HIVEP3: variants seen among roughly 807,000 people sequenced by gnomAD.
HIVEP3 encodes the protein HIVEP zinc finger 3, also known as transcription factor HIVEP3.
HIVEP3 carries 49 observed loss-of-function variants against 152.8 expected under a neutral mutation model. That is an observed-to-expected ratio of 0.32 (90% CI 0.26 to 0.41). HIVEP3 has a LOEUF of 0.41. Ranked by LOEUF, HIVEP3 falls within the 10% of genes least tolerant of loss-of-function variation. The pLI, the probability that HIVEP3 is intolerant of heterozygous loss-of-function variation, is 1.00. For missense variants in HIVEP3, 2,790 were observed against 3,103.3 expected (o/e 0.90, Z 2.40); for synonymous variants, 1,269 against 1,289.0 (o/e 0.98, Z 0.33).
intron 3 of HIVEP3, among the ~76,000 whole-genome samples, chr1:41,606,327 A>G (rs1168202017): frequency 6.6e-6 from 1 of 151,970 alleles, no homozygotes; most frequent in East Asian, 1.9e-4. Context: ...ATTTGTCCAC[A>G]TTCTCTACTT....
chr1:41,977,932 G>A (rs7523111), intron 1 of HIVEP3, among the ~76,000 whole-genome samples: 3,880 of 152,242 alleles, frequency 0.025, 171 homozygotes, highest in African/African-American at 0.09. Flanking sequence ...CATGTAACTG[G>A]GGAATCACCT....
intron 1 of HIVEP3, among the ~76,000 whole-genome samples, chr1:41,744,260 C>T (rs1177211655): frequency 1.3e-5 from 2 of 152,154 alleles, no homozygotes; most frequent in East Asian, 1.9e-4. Flanking sequence ...AGGATGGTCT[C>T]GATCTCCTGA....
At chr1:41,994,779 A>T (rs11210560) in intron 1 of HIVEP3, among the ~76,000 whole-genome samples, 20,750 of 152,178 alleles carry the variant, frequency 0.14, 1,551 homozygotes, top group Admixed American at 0.23. Flanking sequence ...ACTATAAAAC[A>T]ACTATGCTTA....
chr1:41,550,007 A>G (rs529162519), intron 5 of HIVEP3, among the ~76,000 whole-genome samples: 1,616 of 152,144 alleles, frequency 0.011, 23 homozygotes, highest in African/African-American at 0.034. Context: ...TATGGTTTTA[A>G]GTCTAACATT....
intron 4 of HIVEP3, among the ~76,000 whole-genome samples, chr1:41,578,748 G>T (rs1441103111): frequency 6.6e-6 from 1 of 152,154 alleles, no homozygotes; most frequent in African/African-American, 2.4e-5. Flanking sequence ...TTCAACATTT[G>T]CCAGATTATC....
At chr1:41,589,179 G>A (rs1644549377) in intron 3 of HIVEP3, among the ~76,000 whole-genome samples, 1 of 152,190 alleles carries the variant, frequency 6.6e-6, no homozygotes, top group Non-Finnish European at 1.5e-5. Flanking sequence ...AGTCACCAGA[G>A]AAATGGGCCC....
chr1:41,578,434 A>C (rs1191218635), intron 4 of HIVEP3, among the ~76,000 whole-genome samples: 2 of 152,256 alleles, frequency 1.3e-5, no homozygotes, highest in African/African-American at 4.8e-5. Context: ...TTTGGAAAAC[A>C]GTTCTGTGAA....
chr1:41,547,061 TAG>T (rs1412718343), intron 5 of HIVEP3, among the ~76,000 whole-genome samples: 1 of 151,962 alleles, frequency 6.6e-6, no homozygotes, highest in Non-Finnish European at 1.5e-5. Flanking sequence ...CCCTGTGAGG[TAG>T]AGAGAGCTGT....
At chr1:41,528,378 C>T (rs11589293) in intron 5 of HIVEP3, among the ~76,000 whole-genome samples, 1 of 142,202 alleles carries the variant, frequency 7.0e-6, no homozygotes, top group Non-Finnish European at 1.5e-5. Flanking sequence ...CACTCACCTT[C>T]ACACAGTCCA....
chr1:41,639,123 T>G (rs749914557), intron 2 of HIVEP3, among the ~76,000 whole-genome samples: 1 of 152,222 alleles, frequency 6.6e-6, no homozygotes, highest in Non-Finnish European at 1.5e-5. Flanking sequence ...GGCAGGGAAT[T>G]GTGGGATGAA....
intron 5 of HIVEP3, among the ~76,000 whole-genome samples, chr1:41,566,848 C>T (rs1324386028): frequency 6.6e-6 from 1 of 152,124 alleles, no homozygotes; most frequent in African/African-American, 2.4e-5. Context: ...GTCTGTCTGC[C>T]CTAGAAATGC....
intron 1 of HIVEP3, among the ~76,000 whole-genome samples, chr1:41,775,813 C>T (rs754662016): frequency 6.6e-6 from 1 of 152,180 alleles, no homozygotes; most frequent in Admixed American, 6.5e-5. Context: ...GAGCTTCCAA[C>T]ATGGAGAGTC....
rs1649242711 is a variant in HIVEP3, at chr1:41,784,652, G to A, written c.-800-83657C>T. On this transcript the variant is annotated intron_variant, in intron 1 of 8. Coordinates refer to ENST00000372583, the MANE Select transcript of HIVEP3 (RefSeq NM_024503.5). ...GTGAGGGGCTGGGGCAGGCAAGCTG[G>A]TTACACACCCCATGGGACGGAGGCT... Among the ~76,000 whole-genome samples the A allele has an allele frequency of 2.6e-5, 4 of 152,208 alleles. No homozygotes were observed. The South Asian group carries it at 8.3e-4, about 32-fold the overall frequency.
chr1:41,859,507 A>C (rs1235819238), intron 1 of HIVEP3, among the ~76,000 whole-genome samples: 1 of 152,226 alleles, frequency 6.6e-6, no homozygotes, highest in Admixed American at 6.5e-5. Context: ...GGAGAATGTA[A>C]GGGTAGGGAT....
chr1:41,982,611 G>A (rs1412759115), intron 1 of HIVEP3, among the ~76,000 whole-genome samples: 1 of 152,196 alleles, frequency 6.6e-6, no homozygotes, highest in African/African-American at 2.4e-5. Flanking sequence ...ACAGGTCAGT[G>A]TAAATGTCAG....
intron 1 of HIVEP3, among the ~76,000 whole-genome samples, chr1:41,770,566 A>G (rs911317510): frequency 6.6e-6 from 1 of 152,198 alleles, no homozygotes. Flanking sequence ...GCGCCCCCCA[A>G]TATAATGCAA....
At chr1:41,620,906 G>A (rs1645037896) in intron 3 of HIVEP3, among the ~76,000 whole-genome samples, 1 of 152,180 alleles carries the variant, frequency 6.6e-6, no homozygotes, top group Admixed American at 6.5e-5. Context: ...ATTTGCCTTG[G>A]CCTGTTCTTC....
At chr1:41,946,025 C>T (rs542099526) in intron 1 of HIVEP3, among the ~76,000 whole-genome samples, 6 of 152,110 alleles carry the variant, frequency 3.9e-5, no homozygotes, top group East Asian at 3.9e-4. Context: ...ACGGGACAAA[C>T]GGGATTAAAA....
chr1:42,032,425 A>G (rs1645618283), intron 1 of HIVEP3, among the ~76,000 whole-genome samples: 2 of 152,210 alleles, frequency 1.3e-5, no homozygotes. Flanking sequence ...ACCCGTTGGG[A>G]AATACTGCAA....
Sources: gnomAD v4.1 joint callset for allele counts (sites outside exome capture counted in the v4.1 genomes callset) on GRCh38, gnomAD v4.1.1 for gene constraint, MANE v1.5 for transcripts, NCBI Gene and HGNC (gene_info 2026-07-23, HGNC 2026-07-21) for gene names.